Variants in CTR9 observed in about 807,000 individuals in gnomAD.
CTR9 encodes CTR9 component of Paf1/RNA polymerase II complex.
A neutral mutation model predicts 152.1 loss-of-function variants in CTR9; 41 were observed. The observed-to-expected ratio is 0.27, with a 90% CI of 0.21 to 0.35. The LOEUF is 0.35. Among genes scored for constraint, CTR9 ranks in the 10% least tolerant of loss-of-function variants. CTR9 has a pLI of 1.00. For synonymous variants in CTR9, 476 were observed against 496.2 expected (o/e 0.96, Z 0.54); for missense variants, 917 against 1,424.4 (o/e 0.64, Z 5.73).
At chr11:10,770,013 G>C (rs968976059) in intron 16 of CTR9, among the ~76,000 whole-genome samples, 197 bp from the exon 17 acceptor site, 1 of 152,030 alleles carries the variant, frequency 6.6e-6, no homozygotes, top group Non-Finnish European at 1.5e-5. Flanking sequence ...TTTTTCTAAT[G>C]GTCAGATTTT....
At chr11:10,755,641 A>G in intron 3 of CTR9, 37 bp from the exon 4 acceptor site, 1 of 1,334,326 alleles carries the variant, frequency 7.5e-7, no homozygotes, top group Non-Finnish European at 1.1e-6. Flanking sequence ...TTCATGGTAT[A>G]TAGGGGTAAA....
chr11:10,767,041 A>G lies in CTR9; in HGVS notation c.1686+551A>G, dbSNP rs1239424770. On this transcript the variant is annotated intron_variant, in intron 13 of 24. Coordinates refer to ENST00000361367, the MANE Select transcript of CTR9 (RefSeq NM_014633.5). This position sits in a 1 kb window ranked among gnomAD's most constrained non-coding sequence, Gnocchi z 4.0. ...TACACTGATATTTTTACTTTATTCCATTCTGTTGCATTTACTATGCAGATA... is the reference window on the plus strand; with the variant it reads ...TACACTGATATTTTTACTTTATTCCGTTCTGTTGCATTTACTATGCAGATA... 6.6e-6 allele frequency: 1 copy of G among 152,632 alleles called. No individual in the cohort carries two copies. The highest frequency in any genetic ancestry group is 1.5e-5 in the Non-Finnish European group (1 of 68,274). 9.5% of individuals were successfully genotyped at this position (152,632 alleles called of 1,614,324 possible).
rs558659125 is a variant in CTR9, at chr11:10,770,746, C to T, written c.2372+114C>T. ...TTTGTTTAAAGCTATTTGTCTCAAG[C>T]TGCTGAAAATCACTTCCTTCTAAAG... is the stretch of plus-strand genomic sequence containing the variant. On this transcript the variant is annotated intron_variant, in intron 18 of 24. Transcript: ENST00000361367. The T allele has an allele frequency of 4.9e-6, 5 of 1,013,538 alleles. No individual in the cohort carries two copies. In the Admixed American group the frequency reaches 1.2e-4, roughly 23 times the overall value. 62.8% of individuals were successfully genotyped at this position (1,013,538 alleles called of 1,614,324 possible). A position where few individuals can be genotyped will look rare whatever the true frequency, so the allele number is the denominator to read the frequency against.
Position 10,779,051 on chromosome 11 carries a change from C to T in CTR9, c.3468C>T (p.Ser1156=). Residue 1156 remains serine, a synonymous_variant, in exon 25 of 25, where the codon TCC becomes TCT. Coordinates refer to ENST00000361367, the MANE Select transcript of CTR9 (RefSeq NM_014633.5). ...GSGNESEPEG[S]NNEASDRGSE... is the part of the protein sequence containing the mutation. Reference sequence around the variant, plus strand: ...GAAATGAATCGGAACCAGAGGGATCCAACAATGAGGCCTCAGATAGAGGCT... The same window carrying T: ...GAAATGAATCGGAACCAGAGGGATCTAACAATGAGGCCTCAGATAGAGGCT... 1 of 1,614,100 alleles carries T rather than the reference C, an allele frequency of 6.2e-7. No individual in the cohort carries two copies. Among genetic ancestry groups the T allele is most frequent in the Non-Finnish European group, 8.5e-7 (1 of 1,180,020 alleles).
At chr11:10,775,371 A>G in intron 23 of CTR9, 68 bp downstream of exon 23, 1 of 1,448,766 alleles carries the variant, frequency 6.9e-7, no homozygotes, top group South Asian at 1.2e-5. Context: ...ACTAGAATAC[A>G]TTCTTTCCTT....
rs761878553 is a variant in CTR9 at position 10,775,230 on chromosome 11, CTGATGA to C, written c.2916_2921del (p.Asp972_Asp973del). 9.9e-6 allele frequency: 16 copies of C among 1,613,892 alleles called. No individual in the cohort carries two copies. The highest frequency in any genetic ancestry group is 1.3e-5 in the Non-Finnish European group (15 of 1,179,922). Reference sequence around the variant, plus strand: ...AGACATCCAAAGGGAGAAGAAGGATCTGATGATGATGAAACAGAAAATGGCCCCAAA... The same window carrying C: ...AGACATCCAAAGGGAGAAGAAGGATCTGATGAAACAGAAAATGGCCCCAAA... On this transcript the variant is annotated inframe_deletion, in exon 23 of 25. Transcript: ENST00000361367.
At position 10,755,245 on chromosome 11, in the gene CTR9, C is replaced by T. The variant is rs759441297; in HGVS notation, c.384+48C>T. ...TTCCATTTATGAAGGGAGAAAAGCA[C>T]ATGAAAGCAAAATGTGTGTGATAGC... On this transcript the variant is annotated intron_variant, in intron 3 of 24. Coordinates refer to ENST00000361367, the MANE Select transcript of CTR9 (RefSeq NM_014633.5). 14 of 1,564,788 alleles carry T rather than the reference C, an allele frequency of 8.9e-6. No individual in the cohort carries two copies. The South Asian group carries it at 1.5e-4, about 16-fold the overall frequency.
In CTR9 at chr11:10,774,066, G is replaced by A; in HGVS notation, c.2782G>A (p.Asp928Asn). The A allele has an allele frequency of 5.0e-6, 8 of 1,613,210 alleles. No individual in the cohort carries two copies. The highest frequency in any genetic ancestry group is 1.1e-5 in the South Asian group (1 of 91,008). Residue 928 changes from aspartate (D) to asparagine (N), a missense_variant, in exon 22 of 25, where the codon GAC becomes AAC. This residue lies in a region of CTR9 where 384 missense variants were observed against 398.4 expected (regional missense o/e 0.96). Coordinates refer to ENST00000361367, the MANE Select transcript of CTR9 (RefSeq NM_014633.5). ...DEFVNDDTDD[D>N]LPISKKKKRR... ...ATTTGTCAATGATGACACTGATGAT[G>A]ACCTACCTATATCCAAAAAGAAGAA...
chr11:10,754,913 T>G (rs751437316), intron 2 of CTR9, 45 bp from the exon 3 acceptor site: 14 of 1,558,748 alleles, frequency 9.0e-6, no homozygotes, highest in Non-Finnish European at 1.2e-5. Context: ...ACTTTTTATA[T>G]GGACATATGC....
chr11:10,768,622 A>C, intron 16 of CTR9, 131 bp downstream of exon 16: 1 of 944,940 alleles, frequency 1.1e-6, no homozygotes, highest in Non-Finnish European at 1.5e-6. Context: ...GAGATTTATA[A>C]TTATATAATG....
At chr11:10,765,259 G>A (rs1165826492) in intron 12 of CTR9, among the ~76,000 whole-genome samples, 1 of 152,084 alleles carries the variant, frequency 6.6e-6, no homozygotes, top group Non-Finnish European at 1.5e-5. Flanking sequence ...CAGCGGGATC[G>A]CTTGAGTCCA....
Position 10,772,661 on chromosome 11 carries a change from T to G in CTR9, c.2580+6T>G, listed in dbSNP as rs1417237717. On this transcript the variant is annotated splice_donor_region_variant and intron_variant, in intron 20 of 24. Coordinates refer to ENST00000361367, the MANE Select transcript of CTR9 (RefSeq NM_014633.5). ...AGAAACTTCTTAAAGAACAGGTATC[T>G]TGTATTTTCCAGTTATACTGGAATT... is the stretch of plus-strand genomic sequence containing the variant. 19 of 1,589,182 alleles carry G rather than the reference T, an allele frequency of 1.2e-5. No individual in the cohort carries two copies. The highest frequency in any genetic ancestry group is 1.6e-5 in the Non-Finnish European group (19 of 1,170,850).
chr11:10,757,372 T>C (rs1457602411), intron 5 of CTR9, among the ~76,000 whole-genome samples: 1 of 152,068 alleles, frequency 6.6e-6, no homozygotes, highest in Non-Finnish European at 1.5e-5. Flanking sequence ...GAAGGATTGC[T>C]TGAGCCCAGG....
chr11:10,752,611 C>A, intron 1 of CTR9, 61 bp from the exon 2 acceptor site: 2 of 1,205,842 alleles, frequency 1.7e-6, no homozygotes, highest in Non-Finnish European at 2.5e-6. Context: ...CGAAAAGCAG[C>A]AAAGATGAAA....
intron 6 of CTR9, 150 bp downstream of exon 6, chr11:10,760,471 A>G (rs1390915482): frequency 3.0e-6 from 2 of 670,900 alleles, no homozygotes; most frequent in African/African-American, 3.6e-5. Flanking sequence ...ACACCTAGTT[A>G]TTGGGGCACT....
chr11:10,752,124 G>A (rs187699225), intron 1 of CTR9, among the ~76,000 whole-genome samples: 1 of 152,224 alleles, frequency 6.6e-6, no homozygotes, highest in African/African-American at 2.4e-5. Context: ...TAATATTGAG[G>A]TATAAAATTC....
In CTR9 at chr11:10,755,211, C is replaced by A; in HGVS notation, c.384+14C>A. On this transcript the variant is annotated intron_variant, in intron 3 of 24. Transcript: ENST00000361367. Reference sequence around the variant, plus strand: ...ATGTATGATCAGGTAAAAATAAAGTCAAATTTCTTTCCATTTATGAAGGGA... The same window carrying A: ...ATGTATGATCAGGTAAAAATAAAGTAAAATTTCTTTCCATTTATGAAGGGA... 4 of 1,585,600 alleles carry A rather than the reference C, an allele frequency of 2.5e-6. No homozygotes were observed. The South Asian group carries it at 4.7e-5, about 18-fold the overall frequency.
At position 10,779,378 on chromosome 11, in the gene CTR9, A is replaced by C; in HGVS notation, c.*273A>C. On this transcript the variant is annotated 3_prime_UTR_variant, in exon 25 of 25. Coordinates refer to ENST00000361367, the MANE Select transcript of CTR9 (RefSeq NM_014633.5). ...TAAAAATAAACCCAGATGCTAAATC[A>C]TTCCTACAAAGGTTTGACTGAAACT... The C allele has an allele frequency of 5.7e-6, 2 of 349,464 alleles. No homozygotes were observed. Among genetic ancestry groups the C allele is most frequent in the Non-Finnish European group, 1.0e-5 (2 of 190,752 alleles). 21.6% of individuals were successfully genotyped at this position (349,464 alleles called of 1,614,324 possible).
chr11:10,761,213 C>T (rs1048224834), intron 6 of CTR9, among the ~76,000 whole-genome samples: 6 of 152,286 alleles, frequency 3.9e-5, no homozygotes, highest in African/African-American at 1.4e-4. Flanking sequence ...ACTTCATCCC[C>T]AGTTGAGAAC....
Sources: allele counts gnomAD v4.1 joint callset (sites outside exome capture counted in the v4.1 genomes callset), GRCh38; gene constraint gnomAD v4.1.1; regional missense constraint gnomAD v4.1.1; non-coding constraint Gnocchi (gnomAD v3.1); transcripts MANE v1.5; gene names NCBI Gene and HGNC (gene_info 2026-07-23, HGNC 2026-07-21).